The following NTM variants were observed in gnomAD, a reference collection of about 807,000 sequenced individuals.
The protein encoded by NTM is IgLON family member 2.
Under a neutral mutation model 42.1 loss-of-function variants are expected in NTM, and 13 were observed. That is an observed-to-expected ratio of 0.31 (90% CI 0.20 to 0.49). NTM has a LOEUF of 0.49. Among genes scored for constraint, NTM ranks in the 20% least tolerant of loss-of-function variants. The pLI is 0.99. For synonymous variants in NTM, 187 were observed against 179.2 expected, an observed-to-expected ratio of 1.04 and a Z score of -0.35; for missense variants, 373 against 452.8, an observed-to-expected ratio of 0.82 and a Z score of 1.60.
Position 132,175,737 on chromosome 11 carries a change from G to A in NTM, c.400+29223G>A, listed in dbSNP as rs114821784. Reference sequence around the variant, plus strand: ...CGAGTAGCTGGGACTACAGGTGCCCGCCACCATGCCTGGGTATTAAATCCC... The same window carrying A: ...CGAGTAGCTGGGACTACAGGTGCCCACCACCATGCCTGGGTATTAAATCCC... On this transcript the variant is annotated intron_variant, in intron 3 of 8. Transcript: ENST00000683400. Among the ~76,000 whole-genome samples, 815 of 152,060 alleles carry A rather than the reference G, an allele frequency of 5.4e-3. 4 individuals carry two copies. Among genetic ancestry groups the A allele is most frequent in the African/African-American group, 0.018 (758 of 41,482 alleles).
chr11:132,178,777 AG>A (rs2077163760), intron 3 of NTM, among the ~76,000 whole-genome samples: 1 of 152,228 alleles, frequency 6.6e-6, no homozygotes, highest in South Asian at 2.1e-4. Flanking sequence ...AAAAAGAATA[AG>A]AATTTTATTA....
intron 1 of NTM, among the ~76,000 whole-genome samples, chr11:131,851,532 C>CGTGCGTGT (rs1555154796): frequency 6.8e-6 from 1 of 146,702 alleles, no homozygotes; most frequent in Non-Finnish European, 1.5e-5. Context: ...GTGAGAATGG[C>CGTGCGTGT]GTGTGTGTGT....
chr11:131,502,458 T>TG (rs2046952228), intron 1 of NTM, among the ~76,000 whole-genome samples: 1 of 151,828 alleles, frequency 6.6e-6, no homozygotes. Context: ...CCTGGAGATC[T>TG]GGGAAAAAAG....
intron 1 of NTM, among the ~76,000 whole-genome samples, chr11:131,496,453 C>G (rs372701336): frequency 6.6e-6 from 1 of 152,202 alleles, no homozygotes; most frequent in Admixed American, 6.5e-5. Context: ...TTGCTGCAGA[C>G]AAAGCAGTGG....
chr11:131,811,509 A>G (rs528198322), intron 1 of NTM, among the ~76,000 whole-genome samples: 3 of 152,278 alleles, frequency 2.0e-5, no homozygotes, highest in Admixed American at 6.5e-5. Context: ...ATCATTAATC[A>G]CTGTAATCAG....
At chr11:132,048,944 C>A (rs1426399801) in intron 2 of NTM, among the ~76,000 whole-genome samples, 1 of 151,138 alleles carries the variant, frequency 6.6e-6, no homozygotes, top group Non-Finnish European at 1.5e-5. Context: ...GTAGGAGATT[C>A]AAGGCTGACT....
chr11:132,310,105 T>C lies in NTM; in HGVS notation c.662-7T>C. On this transcript the variant is annotated splice_polypyrimidine_tract_variant and splice_region_variant and intron_variant, in intron 5 of 8. Transcript: ENST00000683400. ...GGGGGCGGCTATGAGACATCTTCTT[T>C]TTGCAGATCCACCATACATTTCAGA... 1 of 1,577,870 alleles carries C rather than the reference T, an allele frequency of 6.3e-7. No homozygotes were observed. The highest frequency in any genetic ancestry group is 8.6e-7 in the Non-Finnish European group (1 of 1,168,676).
At chr11:132,089,985 G>A (rs1407372830) in intron 2 of NTM, among the ~76,000 whole-genome samples, 1 of 152,068 alleles carries the variant, frequency 6.6e-6, no homozygotes, top group African/African-American at 2.4e-5. Flanking sequence ...ACTTCATGGA[G>A]CCCTTAGTGT....
intron 1 of NTM, among the ~76,000 whole-genome samples, chr11:131,753,466 A>C (rs542570728): frequency 3.3e-5 from 5 of 152,262 alleles, no homozygotes; most frequent in African/African-American, 1.2e-4. Context: ...AGCTCTATTC[A>C]CAATAGCAAA....
At chr11:132,258,764 C>T (rs984970774) in intron 4 of NTM, among the ~76,000 whole-genome samples, 2 of 152,084 alleles carry the variant, frequency 1.3e-5, no homozygotes, top group Non-Finnish European at 2.9e-5. Flanking sequence ...AGGGACACCA[C>T]GTGGAAAAGA....
intron 1 of NTM, among the ~76,000 whole-genome samples, chr11:131,380,718 G>A (rs1054263938): frequency 6.6e-6 from 1 of 152,092 alleles, no homozygotes; most frequent in Non-Finnish European, 1.5e-5. Flanking sequence ...GACACTCAGT[G>A]TTTATGGATG....
chr11:131,494,549 C>G, intron 1 of NTM, among the ~76,000 whole-genome samples: 1 of 152,214 alleles, frequency 6.6e-6, no homozygotes, highest in East Asian at 1.9e-4. Context: ...AGATATGGAA[C>G]TTTCAGAGCT....
chr11:132,224,153 C>T (rs557013137), intron 4 of NTM, among the ~76,000 whole-genome samples: 10 of 152,298 alleles, frequency 6.6e-5, no homozygotes, highest in Admixed American at 1.3e-4. Flanking sequence ...TCCTCCACTA[C>T]GAGGAGGATC....
At chr11:131,949,885 T>G (rs1185107089) in intron 2 of NTM, among the ~76,000 whole-genome samples, 1 of 145,696 alleles carries the variant, frequency 6.9e-6, no homozygotes, top group Non-Finnish European at 1.5e-5. Context: ...CTATTGAGAC[T>G]CTCCTAGCTA....
intron 1 of NTM, among the ~76,000 whole-genome samples, chr11:131,884,415 GAAAAAAAAAGA>G (rs2050043142): frequency 1.3e-5 from 2 of 149,394 alleles, no homozygotes; most frequent in African/African-American, 4.9e-5. Flanking sequence ...ATCTCAAAAA[GAAAAAAAAAGA>G]AAGAAAAAAG....
chr11:131,740,991 C>G (rs1352701227), intron 1 of NTM, among the ~76,000 whole-genome samples: 1 of 152,054 alleles, frequency 6.6e-6, no homozygotes, highest in Non-Finnish European at 1.5e-5. Context: ...ATGGTAAAAC[C>G]CCGTCTCTGC....
At chr11:131,940,629 T>C (rs2059695849) in intron 2 of NTM, among the ~76,000 whole-genome samples, 1 of 152,236 alleles carries the variant, frequency 6.6e-6, no homozygotes, top group African/African-American at 2.4e-5. Context: ...CAGTAATGTT[T>C]TCTTATTTTA....
chr11:132,259,929 T>A (rs1029925445), intron 4 of NTM, among the ~76,000 whole-genome samples: 11 of 151,926 alleles, frequency 7.2e-5, no homozygotes, highest in Middle Eastern at 3.4e-3. Context: ...TTGTATTTTT[T>A]GTAGAGACGG....
chr11:132,223,377 T>C lies in NTM; in HGVS notation c.526+11230T>C, dbSNP rs529491716. ...GTGTTTGAGGGATTGTAGACTTAAATAGAGTGGTAGAATGGATTCATTAAG... is the reference window on the plus strand; with the variant it reads ...GTGTTTGAGGGATTGTAGACTTAAACAGAGTGGTAGAATGGATTCATTAAG... On this transcript the variant is annotated intron_variant, in intron 4 of 8. Coordinates refer to ENST00000683400, the MANE Select transcript of NTM (RefSeq NM_001352005.2). 2.0e-3 allele frequency among the ~76,000 whole-genome samples: 308 copies of C among 152,218 alleles called. 5 individuals are homozygous for C. The highest frequency in any genetic ancestry group is 7.0e-3 in the African/African-American group (289 of 41,530).
Sources: allele counts gnomAD v4.1 joint callset (sites outside exome capture counted in the v4.1 genomes callset), GRCh38; gene constraint gnomAD v4.1.1; transcripts MANE v1.5; gene names NCBI Gene and HGNC (gene_info 2026-07-23, HGNC 2026-07-21).